The following COL23A1 variants were observed in gnomAD, a reference collection of about 807,000 sequenced individuals.
COL23A1 encodes collagen type XXIII alpha 1 chain, also known as collagen alpha-1(XXIII) chain.
Under a neutral mutation model 99.3 loss-of-function variants are expected in COL23A1, and 97 were observed. The ratio of observed to expected loss-of-function variants is 0.98; its 90% CI spans 0.83 to 1.16. The LOEUF (loss-of-function observed/expected upper bound fraction) is 1.16. Ranked by LOEUF, COL23A1 falls within the 50% of genes most tolerant of loss-of-function variation. The pLI, the probability that COL23A1 is intolerant of heterozygous loss-of-function variation, is 0.00. For missense variants in COL23A1, 762 were observed against 757.4 expected (o/e 1.01, Z -0.07); for synonymous variants, 320 against 308.2 (o/e 1.04, Z -0.40).
intron 2 of COL23A1, among the ~76,000 whole-genome samples, chr5:178,419,739 G>T (rs1765502265): frequency 6.6e-6 from 1 of 152,174 alleles, no homozygotes; most frequent in African/African-American, 2.4e-5. Context: ...TTAATAGGCA[G>T]GCAAAACTGA....
chr5:178,252,075 G>A (rs528239416), intron 17 of COL23A1, among the ~76,000 whole-genome samples: 4 of 151,686 alleles, frequency 2.6e-5, no homozygotes, highest in East Asian at 1.9e-4. Flanking sequence ...CACCACGCCC[G>A]GCTAATTTTT....
chr5:178,522,870 CCTT>C (rs1760028719), intron 2 of COL23A1, among the ~76,000 whole-genome samples: 1 of 152,098 alleles, frequency 6.6e-6, no homozygotes, highest in Admixed American at 6.6e-5. Flanking sequence ...AGAAGATCCA[CCTT>C]GATGCTATGG....
chr5:178,418,463 C>A (rs1282091900), intron 2 of COL23A1, among the ~76,000 whole-genome samples: 1 of 152,266 alleles, frequency 6.6e-6, no homozygotes, highest in Non-Finnish European at 1.5e-5. Flanking sequence ...CTGGAACCAG[C>A]CCCTGTGCAC....
chr5:178,353,114 G>A (rs1405149453), intron 2 of COL23A1, among the ~76,000 whole-genome samples: 1 of 152,182 alleles, frequency 6.6e-6, no homozygotes, highest in African/African-American at 2.4e-5. Flanking sequence ...AATCACTGCA[G>A]CGTCACGTTT....
chr5:178,437,691 C>A (rs1210061923), intron 2 of COL23A1, among the ~76,000 whole-genome samples: 1 of 152,220 alleles, frequency 6.6e-6, no homozygotes, highest in Admixed American at 6.5e-5. Flanking sequence ...GTCATGGCCC[C>A]GTACTCCCCT....
intron 2 of COL23A1, among the ~76,000 whole-genome samples, chr5:178,473,196 C>A (rs1001586801): frequency 6.6e-6 from 1 of 152,042 alleles, no homozygotes; most frequent in South Asian, 2.1e-4. Flanking sequence ...TACAGTAGAA[C>A]AATATTTACA....
chr5:178,504,107 T>G (rs1299642418), intron 2 of COL23A1, among the ~76,000 whole-genome samples: 1 of 152,172 alleles, frequency 6.6e-6, no homozygotes, highest in Non-Finnish European at 1.5e-5. Context: ...TGCTGTGGCC[T>G]GAGTTCCTGT....
chr5:178,494,740 T>C (rs1307494221), intron 2 of COL23A1, among the ~76,000 whole-genome samples: 1 of 152,158 alleles, frequency 6.6e-6, no homozygotes, highest in Non-Finnish European at 1.5e-5. Context: ...CCCCGGTACA[T>C]CCCTAACACC....
chr5:178,495,484 T>G (rs1194059730), intron 2 of COL23A1, among the ~76,000 whole-genome samples: 3 of 152,074 alleles, frequency 2.0e-5, no homozygotes, highest in Non-Finnish European at 4.4e-5. Context: ...TAAGAACATT[T>G]AAACTTAACA....
chr5:178,380,685 C>G (rs1304934191), intron 2 of COL23A1, among the ~76,000 whole-genome samples: 1 of 152,136 alleles, frequency 6.6e-6, no homozygotes, highest in Non-Finnish European at 1.5e-5. Flanking sequence ...ACAGCACGGC[C>G]CTGGCTAAGA....
chr5:178,392,118 AT>A (rs57353104), intron 2 of COL23A1, among the ~76,000 whole-genome samples: 32,135 of 136,888 alleles, frequency 0.23, 3,745 homozygotes, highest in African/African-American at 0.31. Context: ...AGTGTCTGCT[AT>A]TTTTTTTTTT....
intron 2 of COL23A1, among the ~76,000 whole-genome samples, chr5:178,311,273 G>A (rs1016559106): frequency 2.6e-5 from 4 of 152,162 alleles, no homozygotes; most frequent in Non-Finnish European, 5.9e-5. Flanking sequence ...CAACCTCATT[G>A]AACCTTAGAG....
intron 1 of COL23A1, among the ~76,000 whole-genome samples, chr5:178,585,797 C>G (rs1763967438): frequency 2.2e-5 from 1 of 45,914 alleles, no homozygotes; most frequent in African/African-American, 5.3e-5. Flanking sequence ...CCTACCAAAG[C>G]CTCGATTCTG....
rs1758396354 is a variant in COL23A1, at chr5:178,307,027, A to T, written c.362-108T>A. On this transcript the variant is annotated intron_variant, in intron 2 of 28. Coordinates refer to ENST00000390654, the MANE Select transcript of COL23A1 (RefSeq NM_173465.4). The surrounding 1 kb of genome is among the most constrained non-coding windows in gnomAD (Gnocchi z 4.2). The stretch of plus-strand genomic sequence containing the variant: ...TGTCCGCTCGCAACAGCTTTCTGGG[A>T]GTGGCCTGCCCGAGGGGGTCTGCTG... 1.3e-6 allele frequency: 1 copy of T among 765,166 alleles called. No homozygotes were observed. Among genetic ancestry groups the T allele is most frequent in the Non-Finnish European group, 2.0e-6 (1 of 510,394 alleles). The allele number at this position is 765,166 out of a possible 1,614,324, so 47.4% of individuals were successfully genotyped here. A position where few individuals can be genotyped will look rare whatever the true frequency, so the allele number is the denominator to read the frequency against.
intron 3 of COL23A1, among the ~76,000 whole-genome samples, chr5:178,299,960 A>T (rs188296601): frequency 8.4e-4 from 127 of 151,898 alleles, no homozygotes; most frequent in African/African-American, 2.8e-3. Context: ...CACCATGTTG[A>T]CCAGGTTGGT....
At chr5:178,400,315 C>G (rs181491217) in intron 2 of COL23A1, among the ~76,000 whole-genome samples, 5,315 of 133,490 alleles carry the variant, frequency 0.04, 298 homozygotes, top group African/African-American at 0.14. Context: ...TGCAGTGAGC[C>G]GAGATCGCGC....
At position 178,490,651 on chromosome 5, in the gene COL23A1, C is replaced by T. The variant is rs112332469; in HGVS notation, c.361+70031G>A. Among the ~76,000 whole-genome samples the T allele has an allele frequency of 9.5e-4, 144 of 152,086 alleles. 1 individual carries two copies. The highest frequency in any genetic ancestry group is 3.2e-3 in the African/African-American group (134 of 41,486). Reference sequence around the variant, plus strand: ...AATTAGCCAGATGTGGTGGTGTGCACCTGAAGTCCCAGCTACTAGGGAGGC... The same window carrying T: ...AATTAGCCAGATGTGGTGGTGTGCATCTGAAGTCCCAGCTACTAGGGAGGC... On this transcript the variant is annotated intron_variant, in intron 2 of 28. Coordinates refer to ENST00000390654, the MANE Select transcript of COL23A1 (RefSeq NM_173465.4).
intron 2 of COL23A1, among the ~76,000 whole-genome samples, chr5:178,491,690 G>T (rs960508810): frequency 6.6e-6 from 1 of 152,068 alleles, no homozygotes; most frequent in African/African-American, 2.4e-5. Context: ...TGGTGAAAAT[G>T]AAACATCTTG....
rs1766416048 is a variant in COL23A1, at chr5:178,434,085, A to G, written c.361+126597T>C. ...AAAATAAATGTCCATTGTTGATGCC[A>G]TCCCAACTGGTACTTTGTTATGGCA... is the stretch of plus-strand genomic sequence containing the variant. On this transcript the variant is annotated intron_variant, in intron 2 of 28. Transcript: ENST00000390654. The surrounding 1 kb of genome is among the most constrained non-coding windows in gnomAD (Gnocchi z 4.3). 6.6e-6 allele frequency among the ~76,000 whole-genome samples: 1 copy of G among 152,202 alleles called. No individual in the cohort carries two copies. The highest frequency in any genetic ancestry group is 6.5e-5 in the Admixed American group (1 of 15,286).
Sources: gnomAD v4.1 joint callset for allele counts (sites outside exome capture counted in the v4.1 genomes callset) on GRCh38, gnomAD v4.1.1 for gene constraint, Gnocchi (gnomAD v3.1) non-coding constraint, MANE v1.5 for transcripts, NCBI Gene and HGNC (gene_info 2026-07-23, HGNC 2026-07-21) for gene names.